PLXNA2: variants seen among roughly 807,000 people sequenced by gnomAD.
PLXNA2 encodes the protein plexin A2.
A neutral mutation model predicts 193.5 loss-of-function variants in PLXNA2; 91 were observed. The ratio of observed to expected loss-of-function variants is 0.47; its 90% CI spans 0.40 to 0.56. The LOEUF (loss-of-function observed/expected upper bound fraction) is 0.56. Among genes scored for constraint, PLXNA2 ranks in the 20% least tolerant of loss-of-function variants. The probability of loss-of-function intolerance (pLI) is 0.00; values close to 1 mark genes in which losing one functional copy is unlikely to be tolerated. For synonymous variants in PLXNA2, 997 were observed against 1,027.3 expected (o/e 0.97, Z 0.56); for missense variants, 1,995 against 2,503.2 (o/e 0.80, Z 4.33).
chr1:208,196,103 C>T (rs543964890), intron 3 of PLXNA2, among the ~76,000 whole-genome samples: 2 of 152,206 alleles, frequency 1.3e-5, no homozygotes, highest in Admixed American at 6.5e-5. Flanking sequence ...AATGCACCTA[C>T]GAGTAACCAT....
In PLXNA2 at chr1:208,217,402, C is replaced by G. The variant is rs146682244; in HGVS notation, c.521G>C (p.Arg174Pro). The G allele has an allele frequency of 2.5e-6, 4 of 1,614,056 alleles. No homozygotes were observed. The African/African-American group carries it at 5.3e-5, about 22-fold the overall frequency. The change falls in exon 2 of 32, where the codon CGC (arginine) becomes CCC (proline). Residue 174 changes from arginine (R) to proline (P), a missense_variant. Physicochemically the swap from Arg to Pro is moderately radical, Grantham distance 103. Around this residue, in one of 3 missense-constraint regions of PLXNA2, gnomAD observed 702 missense variants for 812.9 expected, o/e 0.86. Transcript: ENST00000367033. The surrounding 1 kb of genome is among the most constrained non-coding windows in gnomAD (Gnocchi z 4.7). ...GAGCTTGCCATCCTCACCCTCAGAGCGCACAATCACCCCGTACATGGTGCC... is the reference window on the plus strand; with the variant it reads ...GAGCTTGCCATCCTCACCCTCAGAGGGCACAATCACCCCGTACATGGTGCC... Reference protein sequence around the residue: ...KTGTMYGVIVRSEGEDGKLFI... With the variant: ...KTGTMYGVIVPSEGEDGKLFI...
chr1:208,077,050 A>C (rs1442020402), intron 12 of PLXNA2, among the ~76,000 whole-genome samples: 1 of 152,048 alleles, frequency 6.6e-6, no homozygotes, highest in African/African-American at 2.4e-5. Flanking sequence ...AAATGAAAAG[A>C]AAAAAAATAT....
chr1:208,242,160 T>C (rs1672077368), intron 1 of PLXNA2, among the ~76,000 whole-genome samples: 1 of 152,158 alleles, frequency 6.6e-6, no homozygotes, highest in Non-Finnish European at 1.5e-5. Flanking sequence ...CAGCCAAGGT[T>C]ATCTCTTCCT....
intron 22 of PLXNA2, among the ~76,000 whole-genome samples, chr1:208,041,731 G>A (rs1664877438): frequency 6.6e-6 from 1 of 152,312 alleles, no homozygotes; most frequent in Non-Finnish European, 1.5e-5. Flanking sequence ...GGCACCGGGA[G>A]GAAGAGACTG....
intron 17 of PLXNA2, among the ~76,000 whole-genome samples, chr1:208,049,981 C>G (rs965292908): frequency 1.3e-5 from 2 of 152,146 alleles, no homozygotes; most frequent in African/African-American, 4.8e-5. Flanking sequence ...CAAATACAAT[C>G]ATGTTTCAAA....
At chr1:208,171,583 C>T (rs952483304) in intron 3 of PLXNA2, among the ~76,000 whole-genome samples, 1 of 152,164 alleles carries the variant, frequency 6.6e-6, no homozygotes, top group Non-Finnish European at 1.5e-5. Flanking sequence ...ATCCCAACAC[C>T]TTCATGCCTC....
intron 13 of PLXNA2, among the ~76,000 whole-genome samples, chr1:208,055,277 C>T (rs775039292): frequency 3.3e-5 from 5 of 152,144 alleles, no homozygotes; most frequent in Non-Finnish European, 7.4e-5. Flanking sequence ...AAGTGTGCAG[C>T]GCTCTCTCTC....
At chr1:208,052,264 A>C in intron 15 of PLXNA2, 63 bp downstream of exon 15, 1 of 1,530,894 alleles carries the variant, frequency 6.5e-7, no homozygotes, top group Non-Finnish European at 9.0e-7. Flanking sequence ...CATGCACAGT[A>C]ACATGTGAAC....
intron 1 of PLXNA2, among the ~76,000 whole-genome samples, chr1:208,233,346 C>T (rs1485841101): frequency 2.6e-5 from 4 of 152,068 alleles, no homozygotes; most frequent in African/African-American, 9.7e-5. Flanking sequence ...TTTTCTTCTC[C>T]CAGGTGAAGC....
Position 208,031,579 on chromosome 1 carries a change from C to G in PLXNA2, c.5225+11G>C. ...AGGCTGCACCTCCTGCTGAGCTCCC[C>G]GAGGGTTTACCAGTTGCTTTTCCAG... On this transcript the variant is annotated intron_variant, in intron 29 of 31. Transcript: ENST00000367033. 2 of 1,614,020 alleles carry G rather than the reference C, an allele frequency of 1.2e-6. No homozygotes were observed. Among genetic ancestry groups the G allele is most frequent in the South Asian group, 1.1e-5 (1 of 91,072 alleles).
chr1:208,166,625 A>C (rs940872332), intron 3 of PLXNA2, among the ~76,000 whole-genome samples: 2 of 152,226 alleles, frequency 1.3e-5, no homozygotes, highest in Non-Finnish European at 2.9e-5. Context: ...GTTCAAAAGA[A>C]TGAGAGATAA....
intron 4 of PLXNA2, among the ~76,000 whole-genome samples, chr1:208,141,152 G>A (rs1181954704): frequency 2.6e-5 from 4 of 152,190 alleles, no homozygotes; most frequent in Non-Finnish European, 4.4e-5. Context: ...TGCAATTATC[G>A]TATGATTTAC....
intron 29 of PLXNA2, 38 bp downstream of exon 29, chr1:208,031,552 C>G (rs1249324490): frequency 8.1e-6 from 13 of 1,612,454 alleles, no homozygotes; most frequent in Non-Finnish European, 1.1e-5. Flanking sequence ...CCAGGCCTCT[C>G]CAGGCTGCAC....
Position 208,042,320 on chromosome 1 carries a change from A to C in PLXNA2, c.4064T>G (p.Phe1355Cys), listed in dbSNP as rs1319526254. The change falls in exon 22 of 32, where the codon TTT (phenylalanine) becomes TGT (cysteine). Residue 1355 changes from phenylalanine to cysteine, a missense_variant. Coordinates refer to ENST00000367033, the MANE Select transcript of PLXNA2 (RefSeq NM_025179.4). The part of the protein sequence containing the change: ...QQHVEKALKL[F>C]AQLINNKVFL... ...CACCTTGTTGTTGATGAGCTGGGCA[A>C]AGAGCTTCAGGGCCTTCTCCACGTG... 6.2e-7 allele frequency: 1 copy of C among 1,614,054 alleles called. No individual in the cohort carries two copies. The highest frequency in any genetic ancestry group is 8.5e-7 in the Non-Finnish European group (1 of 1,180,014).
rs1572034962 is a variant in PLXNA2 at position 208,209,935 on chromosome 1, T to C, written c.1371+345A>G. The C allele has an allele frequency of 1.9e-4, 44 of 230,772 alleles. 1 individual carries two copies. The South Asian group carries it at 2.2e-3, about 12-fold the overall frequency. 14.3% of individuals were successfully genotyped at this position (230,772 alleles called of 1,614,324 possible). Reference sequence around the variant, plus strand: ...GATTTGCGATTTTGGAGATTTATAATGCACATAATCAAAAACTTAGTTTTG... The same window carrying C: ...GATTTGCGATTTTGGAGATTTATAACGCACATAATCAAAAACTTAGTTTTG... On this transcript the variant is annotated intron_variant, in intron 3 of 31. Transcript: ENST00000367033.
intron 3 of PLXNA2, among the ~76,000 whole-genome samples, chr1:208,157,316 C>T (rs1177942472): frequency 6.6e-6 from 1 of 152,194 alleles, no homozygotes; most frequent in Non-Finnish European, 1.5e-5. Context: ...AGACAGTTAT[C>T]ATTCCATGTT....
chr1:208,031,883 G>C, intron 28 of PLXNA2, 124 bp from the exon 29 acceptor site: 1 of 1,258,868 alleles, frequency 7.9e-7, no homozygotes, highest in Non-Finnish European at 1.1e-6. Flanking sequence ...GGCTGTGCAG[G>C]CAGTGTTGCG....
rs773331988 is a variant in PLXNA2, at chr1:208,045,090, G to A, written c.3616C>T (p.Leu1206Phe). Residue 1206 changes from leucine to phenylalanine, a missense_variant, in exon 19 of 32, where the codon CTC (leucine) becomes TTC (phenylalanine). By Grantham distance (22) the Leu-to-Phe change is conservative. This residue lies in a region of PLXNA2 where 1,291 missense variants were observed against 1,673.6 expected (regional missense o/e 0.77). Transcript: ENST00000367033. ...ACCATGACCTTGTGCTGCCCGGTGAGGTTGGGAGGCTCGCAGAGAAGCTGG... is the reference window on the plus strand; with the variant it reads ...ACCATGACCTTGTGCTGCCCGGTGAAGTTGGGAGGCTCGCAGAGAAGCTGG... The part of the protein sequence containing the change: ...ETQLLCEPPN[L>F]TGQHKVMVHV... 158 of 1,614,022 alleles carry A rather than the reference G, an allele frequency of 9.8e-5. No individual in the cohort carries two copies. The highest frequency in any genetic ancestry group is 1.2e-4 in the Non-Finnish European group (145 of 1,180,034).
At chr1:208,235,645 G>T (rs1434953969) in intron 1 of PLXNA2, among the ~76,000 whole-genome samples, 1 of 152,196 alleles carries the variant, frequency 6.6e-6, no homozygotes, top group Non-Finnish European at 1.5e-5. Context: ...TTAGGAAGTG[G>T]GAAGGGCTAC....
Sources: allele counts gnomAD v4.1 joint callset (sites outside exome capture counted in the v4.1 genomes callset), GRCh38; gene constraint gnomAD v4.1.1; regional missense constraint gnomAD v4.1.1; non-coding constraint Gnocchi (gnomAD v3.1); transcripts MANE v1.5; gene names NCBI Gene and HGNC (gene_info 2026-07-23, HGNC 2026-07-21).